CDH7: variants seen among roughly 807,000 people sequenced by gnomAD.
CDH7 encodes the protein cadherin 7, also known as cadherin-7.
Under a neutral mutation model 71.8 loss-of-function variants are expected in CDH7, and 25 were observed. The observed-to-expected ratio is 0.35, with a 90% CI of 0.25 to 0.49. The LOEUF is 0.49. Among genes scored for constraint, CDH7 ranks in the 20% least tolerant of loss-of-function variants. The pLI is 0.99. For synonymous variants in CDH7, 381 were observed against 363.8 expected (o/e 1.05, Z -0.54); for missense variants, 862 against 974.6 (o/e 0.88, Z 1.54).
At chr18:65,791,303 A>G (rs1343654091) in intron 2 of CDH7, among the ~76,000 whole-genome samples, 1 of 152,224 alleles carries the variant, frequency 6.6e-6, no homozygotes, top group Non-Finnish European at 1.5e-5. Context: ...TTACATACAA[A>G]TTAGTAGCAC....
At chr18:65,861,339 T>A (rs12954970) in intron 10 of CDH7, among the ~76,000 whole-genome samples, 14 of 21,504 alleles carry the variant, frequency 6.5e-4, no homozygotes, top group African/African-American at 1.3e-3. Flanking sequence ...GTGTGTGTGT[T>A]TGTGTGTGTG....
chr18:65,846,283 TCTTTATC>T (rs1444811555), intron 7 of CDH7, among the ~76,000 whole-genome samples: 1 of 152,040 alleles, frequency 6.6e-6, no homozygotes, highest in Admixed American at 6.6e-5. Flanking sequence ...ATCTCTGTGG[TCTTTATC>T]AGTGAAAGAG....
chr18:65,849,031 T>G (rs1913035694), intron 7 of CDH7, among the ~76,000 whole-genome samples: 2 of 152,246 alleles, frequency 1.3e-5, no homozygotes, highest in East Asian at 1.9e-4. Flanking sequence ...TTTGTGAATA[T>G]CTATTTTATT....
rs189894684 is a variant in CDH7, at chr18:65,764,166, C to T, written c.210+1114C>T. ...TGATTTACTGCATGGGTCGTTTTTTCGTTTGATCACACCTTAAGTAAGGGC... is the reference window on the plus strand; with the variant it reads ...TGATTTACTGCATGGGTCGTTTTTTTGTTTGATCACACCTTAAGTAAGGGC... On this transcript the variant is annotated intron_variant, in intron 2 of 11. Coordinates refer to ENST00000397968, the MANE Select transcript of CDH7 (RefSeq NM_004361.5). Among the ~76,000 whole-genome samples the T allele has an allele frequency of 8.9e-4, 135 of 151,704 alleles. 1 individual carries two copies. The highest frequency in any genetic ancestry group is 1.8e-3 in the Non-Finnish European group (120 of 67,856).
intron 6 of CDH7, among the ~76,000 whole-genome samples, chr18:65,833,316 A>T (rs1912418374): frequency 6.6e-6 from 1 of 152,186 alleles, no homozygotes. Context: ...TCTACAATCA[A>T]ATATGTATTT....
chr18:65,815,192 A>C (rs1229929458), intron 4 of CDH7, among the ~76,000 whole-genome samples: 1 of 152,146 alleles, frequency 6.6e-6, no homozygotes, highest in Admixed American at 6.5e-5. Context: ...CTTTTATGTA[A>C]GCTGAAACTG....
At chr18:65,838,474 T>A (rs1293018412) in intron 6 of CDH7, among the ~76,000 whole-genome samples, 1 of 152,182 alleles carries the variant, frequency 6.6e-6, no homozygotes, top group Admixed American at 6.5e-5. Context: ...CGTAAGACAT[T>A]AAGTATATAG....
At chr18:65,774,080 TC>T (rs1459443219) in intron 2 of CDH7, among the ~76,000 whole-genome samples, 7 of 152,160 alleles carry the variant, frequency 4.6e-5, no homozygotes, top group African/African-American at 1.4e-4. Flanking sequence ...ACCTCAATAA[TC>T]TGTGATAATT....
intron 2 of CDH7, among the ~76,000 whole-genome samples, chr18:65,781,962 T>TTCTCTCTCTC (rs575419221): frequency 2.2e-5 from 1 of 45,938 alleles, no homozygotes; most frequent in African/African-American, 2.0e-4. Context: ...CTTTCTCTCT[T>TTCTCTCTCTC]TCTCTCTCTC....
At chr18:65,873,334 G>A (rs1400208999) in intron 11 of CDH7, among the ~76,000 whole-genome samples, 1 of 152,256 alleles carries the variant, frequency 6.6e-6, no homozygotes, top group East Asian at 1.9e-4. Context: ...GTATTCTGGT[G>A]TTTGAGTCTT....
intron 7 of CDH7, among the ~76,000 whole-genome samples, chr18:65,857,075 T>C (rs1913386200): frequency 6.6e-6 from 1 of 151,158 alleles, no homozygotes; most frequent in Non-Finnish European, 1.5e-5. Flanking sequence ...ACAAAAGATA[T>C]TACTAAGTAT....
chr18:65,800,228 T>C (rs1209202058), intron 2 of CDH7, among the ~76,000 whole-genome samples: 10 of 152,038 alleles, frequency 6.6e-5, no homozygotes, highest in African/African-American at 2.2e-4. Flanking sequence ...TACAGGTGCG[T>C]GCCACCTTGC....
chr18:65,832,788 C>T (rs7231292), intron 6 of CDH7, among the ~76,000 whole-genome samples: 148,637 of 152,164 alleles, frequency 0.98, 72,678 homozygotes, highest in East Asian at 1. Flanking sequence ...TAAAATTAGG[C>T]ACTTTAGTCT....
At chr18:65,771,061 T>C (rs1916528528) in intron 2 of CDH7, among the ~76,000 whole-genome samples, 1 of 152,132 alleles carries the variant, frequency 6.6e-6, no homozygotes. Context: ...GAAAAATTTC[T>C]TACTCTTTTA....
At chr18:65,823,887 A>T (rs1351882) in intron 5 of CDH7, among the ~76,000 whole-genome samples, 8 of 151,702 alleles carry the variant, frequency 5.3e-5, no homozygotes, top group Non-Finnish European at 1.2e-4. Flanking sequence ...GGAATATAGC[A>T]TGCTGCGGTG....
At chr18:65,789,101 A>G (rs751606123) in intron 2 of CDH7, among the ~76,000 whole-genome samples, 42 of 152,182 alleles carry the variant, frequency 2.8e-4, no homozygotes, top group Non-Finnish European at 3.8e-4. Context: ...CTTCCTGCAG[A>G]TTGTAATATG....
At chr18:65,768,108 A>C (rs1193158999) in intron 2 of CDH7, among the ~76,000 whole-genome samples, 1 of 152,212 alleles carries the variant, frequency 6.6e-6, no homozygotes, top group African/African-American at 2.4e-5. Context: ...GTTGATCAAA[A>C]TCATTTAAAA....
chr18:65,763,909 G>A (rs1024253426), intron 2 of CDH7, among the ~76,000 whole-genome samples: 1 of 151,792 alleles, frequency 6.6e-6, no homozygotes, highest in African/African-American at 2.4e-5. Flanking sequence ...GTCTACTTCC[G>A]GTTCAATTTT....
rs960058517 is a variant in CDH7 at position 65,888,578 on chromosome 18, G to T, written c.*7684G>T. ...TAAGTGACTGATTTTTAATATAAAA[G>T]TATCACAATAAAGTTTTTCCACAGA... On this transcript the variant is annotated 3_prime_UTR_variant, in exon 12 of 12. Coordinates refer to ENST00000397968, the MANE Select transcript of CDH7 (RefSeq NM_004361.5). 1.3e-5 allele frequency: 2 copies of T among 152,006 alleles called. No individual in the cohort carries two copies. Among genetic ancestry groups the T allele is most frequent in the Non-Finnish European group, 2.9e-5 (2 of 67,994 alleles). 9.4% of individuals were successfully genotyped at this position (152,006 alleles called of 1,614,324 possible). A position where few individuals can be genotyped will look rare whatever the true frequency, so the allele number is the denominator to read the frequency against.
Sources: allele counts gnomAD v4.1 joint callset (sites outside exome capture counted in the v4.1 genomes callset), GRCh38; gene constraint gnomAD v4.1.1; transcripts MANE v1.5; gene names NCBI Gene and HGNC (gene_info 2026-07-23, HGNC 2026-07-21).